The following XXYLT1 variants were observed in gnomAD, a reference collection of about 807,000 sequenced individuals.
XXYLT1 encodes the protein xyloside xylosyltransferase 1, also known as UDP-xylose:alpha-xyloside alpha-1,3-xylosyltransferase.
XXYLT1 carries 20 observed loss-of-function variants against 28.9 expected under a neutral mutation model. That is an observed-to-expected ratio of 0.69 (90% CI 0.49 to 1.00). XXYLT1 has a LOEUF of 1.00. Among genes scored for constraint, XXYLT1 ranks in the 50% least tolerant of loss-of-function variants. The pLI is 0.00. For synonymous variants in XXYLT1, 257 were observed against 253.8 expected (o/e 1.01, Z -0.12); for missense variants, 542 against 560.1 (o/e 0.97, Z 0.33).
At chr3:195,110,718 G>GTA (rs199712221) in intron 3 of XXYLT1, among the ~76,000 whole-genome samples, 3,601 of 123,710 alleles carry the variant, frequency 0.029, 938 homozygotes, top group African/African-American at 0.11. Flanking sequence ...TGTGTGTGGT[G>GTA]TGTGTGTGTG....
intron 2 of XXYLT1, among the ~76,000 whole-genome samples, chr3:195,226,107 A>AC (rs1282503145): frequency 2.6e-5 from 4 of 152,052 alleles, no homozygotes; most frequent in African/African-American, 9.7e-5. Context: ...TAGGAGTTAG[A>AC]CCCTCCAAGG....
intron 2 of XXYLT1, among the ~76,000 whole-genome samples, chr3:195,181,334 T>C (rs1721945589): frequency 6.6e-6 from 1 of 152,096 alleles, no homozygotes; most frequent in African/African-American, 2.4e-5. Context: ...CAGGCGTGCC[T>C]TTATGTCTTT....
At chr3:195,219,033 G>T (rs1156741922) in intron 2 of XXYLT1, among the ~76,000 whole-genome samples, 2 of 152,030 alleles carry the variant, frequency 1.3e-5, no homozygotes, top group Non-Finnish European at 2.9e-5. Flanking sequence ...GATGAAATTG[G>T]AAATCATCAT....
chr3:195,192,305 G>C lies in XXYLT1; in HGVS notation c.652+34404C>G, dbSNP rs180793778. Among the ~76,000 whole-genome samples the C allele has an allele frequency of 6.6e-3, 1,007 of 152,068 alleles. 3 individuals carry two copies. Among genetic ancestry groups the C allele is most frequent in the Non-Finnish European group, 0.011 (772 of 68,000 alleles). ...CCAGGTGTGGTGGCATGCACCAGTA[G>C]TCCCAGCTACTTGGGAGGCCGAGGT... is the stretch of plus-strand genomic sequence containing the variant. On this transcript the variant is annotated intron_variant, in intron 2 of 3. Coordinates refer to ENST00000310380, the MANE Select transcript of XXYLT1 (RefSeq NM_152531.5).
At chr3:195,191,945 T>C (rs1053261016) in intron 2 of XXYLT1, among the ~76,000 whole-genome samples, 1 of 152,180 alleles carries the variant, frequency 6.6e-6, no homozygotes, top group Non-Finnish European at 1.5e-5. Flanking sequence ...TGATAATTGA[T>C]GGAACAGAAT....
chr3:195,106,260 T>G (rs1478612593), intron 3 of XXYLT1, among the ~76,000 whole-genome samples: 4 of 152,064 alleles, frequency 2.6e-5, no homozygotes, highest in Admixed American at 2.0e-4. Flanking sequence ...GTGTCGTTTT[T>G]GATGGAGAGA....
chr3:195,111,996 T>C (rs899386013), intron 3 of XXYLT1, among the ~76,000 whole-genome samples: 22 of 152,218 alleles, frequency 1.4e-4, no homozygotes, highest in Non-Finnish European at 5.9e-5. Context: ...CAGGAACTCA[T>C]TTCTTCTACA....
chr3:195,105,154 G>GACACAA, intron 3 of XXYLT1, among the ~76,000 whole-genome samples: 1 of 152,206 alleles, frequency 6.6e-6, no homozygotes, highest in South Asian at 2.1e-4. Context: ...TCACAAGAAT[G>GACACAA]ATAAAACCAC....
intron 1 of XXYLT1, among the ~76,000 whole-genome samples, chr3:195,235,213 C>T (rs1271204693): frequency 1.3e-5 from 2 of 152,116 alleles, no homozygotes; most frequent in Non-Finnish European, 2.9e-5. Flanking sequence ...TCAAGCCATC[C>T]TCCCAGCTCT....
intron 1 of XXYLT1, among the ~76,000 whole-genome samples, chr3:195,263,040 A>G (rs1423429917): frequency 1.3e-5 from 2 of 152,208 alleles, no homozygotes; most frequent in Non-Finnish European, 2.9e-5. Context: ...ACAAGCTGGA[A>G]AATCCATTGC....
intron 1 of XXYLT1, among the ~76,000 whole-genome samples, chr3:195,269,523 CAG>C: frequency 6.6e-6 from 1 of 152,174 alleles, no homozygotes; most frequent in East Asian, 1.9e-4. Flanking sequence ...GAGGTGAAGC[CAG>C]AGAAGTGGAC....
At position 195,133,046 on chromosome 3, in the gene XXYLT1, A is replaced by C. The variant is rs1284201651; in HGVS notation, c.785+23403T>G. On this transcript the variant is annotated intron_variant, in intron 3 of 3. Transcript: ENST00000310380. The surrounding 1 kb of genome is among the most constrained non-coding windows in gnomAD (Gnocchi z 4.4). ...GAGTTCTAGTGAAACAAAAGCTTAC[A>C]ACATCATAAATAAAAAACCCTGCTT... is the stretch of plus-strand genomic sequence containing the variant. Among the ~76,000 whole-genome samples the C allele has an allele frequency of 6.6e-6, 1 of 152,228 alleles. No individual in the cohort carries two copies. The highest frequency in any genetic ancestry group is 1.5e-5 in the Non-Finnish European group (1 of 68,048).
chr3:195,182,495 G>A (rs1721999990), intron 2 of XXYLT1, among the ~76,000 whole-genome samples: 1 of 152,174 alleles, frequency 6.6e-6, no homozygotes, highest in African/African-American at 2.4e-5. Flanking sequence ...ATGCAAATGG[G>A]CAAGCCTCAG....
At position 195,076,472 on chromosome 3, in the gene XXYLT1, G is replaced by A. The variant is rs1218023238; in HGVS notation, c.786-6361C>T. On this transcript the variant is annotated intron_variant, in intron 3 of 3. Coordinates refer to ENST00000310380, the MANE Select transcript of XXYLT1 (RefSeq NM_152531.5). This position sits in a 1 kb window ranked among gnomAD's most constrained non-coding sequence, Gnocchi z 5.3. ...GGGCACTGGGGTGGCTACTAGACAA[G>A]CCAAGCATTCTGGAGAGTTGCCCCT... 6.6e-6 allele frequency among the ~76,000 whole-genome samples: 1 copy of A among 152,120 alleles called. No individual in the cohort carries two copies. The highest frequency in any genetic ancestry group is 1.5e-5 in the Non-Finnish European group (1 of 68,016).
At chr3:195,125,980 CA>C (rs56309841) in intron 3 of XXYLT1, among the ~76,000 whole-genome samples, 41,494 of 151,964 alleles carry the variant, frequency 0.27, 6,382 homozygotes, top group East Asian at 0.72. Flanking sequence ...GAGAAAGACA[CA>C]AGGAGTGCCC....
At chr3:195,149,382 G>C (rs1720058729) in intron 3 of XXYLT1, among the ~76,000 whole-genome samples, 1 of 152,210 alleles carries the variant, frequency 6.6e-6, no homozygotes, top group Non-Finnish European at 1.5e-5. Context: ...TTGAAAATGA[G>C]ATAAACATCT....
At chr3:195,236,183 A>G (rs976753228) in intron 1 of XXYLT1, among the ~76,000 whole-genome samples, 1 of 152,294 alleles carries the variant, frequency 6.6e-6, no homozygotes, top group Admixed American at 6.5e-5. Flanking sequence ...CCTTAAGGGC[A>G]GTGAGTTCTC....
intron 1 of XXYLT1, among the ~76,000 whole-genome samples, chr3:195,242,652 T>C (rs1200443241): frequency 2.0e-5 from 3 of 151,862 alleles, no homozygotes; most frequent in Admixed American, 6.6e-5. Context: ...CTGGAGGAGG[T>C]GGGGTCTGAT....
intron 2 of XXYLT1, among the ~76,000 whole-genome samples, chr3:195,204,923 C>T (rs1355477475): frequency 6.6e-6 from 1 of 152,224 alleles, no homozygotes; most frequent in East Asian, 1.9e-4. Context: ...GTTTCACATG[C>T]AAGATAATCC....
Sources: allele counts gnomAD v4.1 joint callset (sites outside exome capture counted in the v4.1 genomes callset), GRCh38; gene constraint gnomAD v4.1.1; non-coding constraint Gnocchi (gnomAD v3.1); transcripts MANE v1.5; gene names NCBI Gene and HGNC (gene_info 2026-07-23, HGNC 2026-07-21).